The following PDE4D variants were observed in gnomAD, a reference collection of about 807,000 sequenced individuals.
The protein encoded by PDE4D is 3',5'-cyclic-AMP phosphodiesterase 4D.
In PDE4D, 24 loss-of-function variants were observed where a neutral mutation model predicts 87.4. The observed-to-expected ratio is 0.27, with a 90% CI of 0.20 to 0.39. The LOEUF (loss-of-function observed/expected upper bound fraction) is 0.39, where lower values mean the gene tolerates loss of function less well. Ranked by LOEUF, PDE4D falls within the 10% of genes least tolerant of loss-of-function variation. The pLI is 1.00. For synonymous variants in PDE4D, 384 were observed against 383.2 expected (o/e 1.00, Z -0.02); for missense variants, 714 against 1,041.0 (o/e 0.69, Z 4.32).
chr5:60,414,002 C>A (rs1346028231), intron 1 of PDE4D, among the ~76,000 whole-genome samples: 1 of 152,182 alleles, frequency 6.6e-6, no homozygotes, highest in Non-Finnish European at 1.5e-5. Context: ...GCATGCACTT[C>A]TGTTTGTTCC....
chr5:60,326,912 A>G (rs1227457625), intron 1 of PDE4D, among the ~76,000 whole-genome samples: 2 of 152,170 alleles, frequency 1.3e-5, no homozygotes, highest in East Asian at 1.9e-4. Context: ...TGAGGTAGAC[A>G]CAGTAAAAAG....
intron 2 of PDE4D, among the ~76,000 whole-genome samples, chr5:59,215,287 A>G (rs1202630115): frequency 1.3e-5 from 2 of 152,166 alleles, no homozygotes; most frequent in African/African-American, 2.4e-5. Flanking sequence ...AAGTCCCACA[A>G]AGATTTCTTA....
intron 3 of PDE4D, among the ~76,000 whole-genome samples, chr5:59,921,090 C>T (rs1475171639): frequency 3.3e-5 from 5 of 152,114 alleles, no homozygotes; most frequent in Non-Finnish European, 7.4e-5. Context: ...AGAATAGTAC[C>T]TGCCACATAA....
chr5:59,900,451 A>G lies in PDE4D; in HGVS notation c.272+88037T>C, dbSNP rs190994208. 1.8e-4 allele frequency among the ~76,000 whole-genome samples: 28 copies of G among 152,284 alleles called. No individual in the cohort carries two copies. The East Asian group carries it at 5.2e-3, about 28-fold the overall frequency. The stretch of plus-strand genomic sequence containing the variant: ...GAAAAAATATTTCTTCCTGGGAGAA[A>G]AACTGCACTTCCATATCTTATTGAA... On this transcript the variant is annotated intron_variant, in intron 3 of 16. Coordinates refer to the PDE4D transcript ENST00000502484.
chr5:60,096,545 C>T (rs1775700192), intron 2 of PDE4D, among the ~76,000 whole-genome samples: 1 of 152,070 alleles, frequency 6.6e-6, no homozygotes, highest in Non-Finnish European at 1.5e-5. Flanking sequence ...GTTCACGATA[C>T]ATTAAGAATA....
chr5:60,209,092 T>G (rs1402146676), intron 1 of PDE4D, among the ~76,000 whole-genome samples: 1 of 152,080 alleles, frequency 6.6e-6, no homozygotes, highest in Non-Finnish European at 1.5e-5. Flanking sequence ...GGAAGAGAAA[T>G]CTGTGCTGGA....
At chr5:59,982,675 A>T (rs1173524271) in intron 3 of PDE4D, among the ~76,000 whole-genome samples, 2 of 152,212 alleles carry the variant, frequency 1.3e-5, no homozygotes, top group African/African-American at 4.8e-5. Flanking sequence ...TGAAAGCAAG[A>T]CATGTGTGCG....
chr5:60,417,409 C>G (rs1204414509), intron 1 of PDE4D, among the ~76,000 whole-genome samples: 1 of 152,128 alleles, frequency 6.6e-6, no homozygotes, highest in Non-Finnish European at 1.5e-5. Context: ...TTTTTTGTTT[C>G]CCTCACACAG....
At chr5:59,950,021 A>G (rs1758134129) in intron 3 of PDE4D, among the ~76,000 whole-genome samples, 1 of 152,226 alleles carries the variant, frequency 6.6e-6, no homozygotes, top group Non-Finnish European at 1.5e-5. Flanking sequence ...CATCAGAGTT[A>G]AAGCTTCTTT....
chr5:60,337,388 T>TATATATATATATATATAC (rs66871903), intron 1 of PDE4D, among the ~76,000 whole-genome samples: 7 of 89,456 alleles, frequency 7.8e-5, no homozygotes, highest in Non-Finnish European at 1.1e-4. Flanking sequence ...TATATATATA[T>TATATATATATATATATAC]ACACACACAC....
At chr5:60,281,817 T>C (rs1316639212) in intron 1 of PDE4D, among the ~76,000 whole-genome samples, 1 of 152,042 alleles carries the variant, frequency 6.6e-6, no homozygotes, top group Non-Finnish European at 1.5e-5. Flanking sequence ...GGCAGGCAGA[T>C]GGCTTGAGCA....
At chr5:59,009,621 T>TTTTGGGTTTTCTC (rs1231862648) in intron 6 of PDE4D, among the ~76,000 whole-genome samples, 2 of 151,962 alleles carry the variant, frequency 1.3e-5, no homozygotes, top group Non-Finnish European at 2.9e-5. Flanking sequence ...AGAGAAAACT[T>TTTTGGGTTTTCTC]TTTGGGTGGT....
intron 5 of PDE4D, 60 bp downstream of exon 5, chr5:59,180,535 C>T: frequency 7.2e-7 from 1 of 1,397,852 alleles, no homozygotes; most frequent in Non-Finnish European, 1.0e-6. Context: ...GTTATATTGA[C>T]TCTTGGCAGA....
chr5:59,699,285 A>G (rs926960287), intron 1 of PDE4D, among the ~76,000 whole-genome samples: 33 of 152,334 alleles, frequency 2.2e-4, no homozygotes, highest in African/African-American at 7.7e-4. Context: ...ACAATTTAAC[A>G]TACTCAATGT....
intron 1 of PDE4D, among the ~76,000 whole-genome samples, chr5:59,363,130 G>T (rs1782492020): frequency 6.6e-6 from 1 of 152,068 alleles, no homozygotes; most frequent in Non-Finnish European, 1.5e-5. Flanking sequence ...TTATTCTGTG[G>T]TGTTTATTGA....
At chr5:59,953,693 C>T (rs1467695415) in intron 3 of PDE4D, among the ~76,000 whole-genome samples, 1 of 152,084 alleles carries the variant, frequency 6.6e-6, no homozygotes, top group Non-Finnish European at 1.5e-5. Context: ...CTATAAATTA[C>T]AAGGAATATT....
At chr5:59,481,598 A>G (rs1804267780) in intron 1 of PDE4D, among the ~76,000 whole-genome samples, 1 of 152,098 alleles carries the variant, frequency 6.6e-6, no homozygotes, top group Admixed American at 6.6e-5. Context: ...AGGCTGCTCC[A>G]GCGGTAGAGT....
intron 1 of PDE4D, among the ~76,000 whole-genome samples, chr5:59,863,380 A>AT (rs887997409): frequency 2.0e-4 from 30 of 151,364 alleles, no homozygotes; most frequent in Admixed American, 9.2e-4. Context: ...ATTTCTTACT[A>AT]TTTTTTTTTC....
chr5:59,768,678 G>A, intron 1 of PDE4D: 1 of 1,468,446 alleles, frequency 6.8e-7, no homozygotes, highest in Non-Finnish European at 9.0e-7. Context: ...GAGGAGGCGA[G>A]CGCACTCCTC....
Sources: allele counts gnomAD v4.1 joint callset (sites outside exome capture counted in the v4.1 genomes callset), GRCh38; gene constraint gnomAD v4.1.1; transcripts MANE v1.5; gene names NCBI Gene and HGNC (gene_info 2026-07-23, HGNC 2026-07-21).